RANBP6: variants seen among roughly 807,000 people sequenced by gnomAD.
The protein encoded by RANBP6 is RAN binding protein 6.
In RANBP6, 10 loss-of-function variants were observed where a neutral mutation model predicts 35.3. The ratio of observed to expected loss-of-function variants is 0.28; its 90% CI spans 0.17 to 0.48. The LOEUF (loss-of-function observed/expected upper bound fraction) is 0.48, where lower values mean the gene tolerates loss of function less well. Ranked by LOEUF, RANBP6 falls within the 20% of genes least tolerant of loss-of-function variation. The pLI is 0.99. For synonymous variants in RANBP6, 514 were observed against 464.2 expected (o/e 1.11, Z -1.38); for missense variants, 1,392 against 1,307.7 (o/e 1.06, Z -0.99).
rs768975394 is a variant in RANBP6, at chr9:6,014,278, T to C, written c.1330A>G (p.Lys444Glu). 1.2e-6 allele frequency: 2 copies of C among 1,614,098 alleles called. No individual in the cohort carries two copies. Among genetic ancestry groups the C allele is most frequent in the African/African-American group, 1.3e-5 (1 of 74,936 alleles). Residue 444 changes from lysine (K) to glutamate (E), a missense_variant, in exon 1 of 1, where the codon AAG becomes GAG. Physicochemically the swap from Lys to Glu is moderately conservative, Grantham distance 56. Transcript: ENST00000259569. ...MATDFAPNFQKKFHETVIAAL... is the reference protein window; with the variant it reads ...MATDFAPNFQEKFHETVIAAL... ...GCAATCACTGTTTCATGAAATTTCT[T>C]TTGGAAATTAGGTGCAAAATCTGTA...
Position 6,015,322 on chromosome 9 carries a change from C to A in RANBP6, c.286G>T (p.Asp96Tyr), listed in dbSNP as rs1470205666. The A allele has an allele frequency of 6.2e-7, 1 of 1,614,240 alleles. No homozygotes were observed. The highest frequency in any genetic ancestry group is 8.5e-7 in the Non-Finnish European group (1 of 1,180,054). Residue 96 changes from aspartate to tyrosine, a missense_variant, in exon 1 of 1, where the codon GAT becomes TAT. Asp to Tyr is a radical substitution (Grantham distance 160). Coordinates refer to ENST00000259569, the MANE Select transcript of RANBP6 (RefSeq NM_012416.4). ...YPNLPADVQR[D>Y]VKIELILAVK... Reference sequence around the variant, plus strand: ...GCCAGAATCAGTTCAATCTTGACATCTCTCTGAACATCAGCAGGCAGATTT... The same window carrying A: ...GCCAGAATCAGTTCAATCTTGACATATCTCTGAACATCAGCAGGCAGATTT...
In RANBP6 at chr9:6,012,175, C is replaced by A; in HGVS notation, c.*115G>T. 1 of 777,136 alleles carries A rather than the reference C, an allele frequency of 1.3e-6. No individual in the cohort carries two copies. Among genetic ancestry groups the A allele is most frequent in the Non-Finnish European group, 1.9e-6 (1 of 515,992 alleles). The allele number at this position is 777,136 out of a possible 1,614,324, so 48.1% of individuals were successfully genotyped here. A position where few individuals can be genotyped will look rare whatever the true frequency, so the allele number is the denominator to read the frequency against. On this transcript the variant is annotated 3_prime_UTR_variant, in exon 1 of 1. Transcript: ENST00000259569. ...AATTCTGGAGAAACATGGAGAAGAACTATAAACTGCTTAGCAGGGAGAAAA... is the reference window on the plus strand; with the variant it reads ...AATTCTGGAGAAACATGGAGAAGAAATATAAACTGCTTAGCAGGGAGAAAA...
Position 6,012,467 on chromosome 9 carries a change from GATT to G in RANBP6, c.3138_3140del (p.Ile1047del). The G allele has an allele frequency of 6.2e-7, 1 of 1,612,334 alleles. No individual in the cohort carries two copies. The highest frequency in any genetic ancestry group is 8.5e-7 in the Non-Finnish European group (1 of 1,179,536). On this transcript the variant is annotated inframe_deletion, in exon 1 of 1. Coordinates refer to ENST00000259569, the MANE Select transcript of RANBP6 (RefSeq NM_012416.4). ...TAATTTTTCCTTCTGCAATTATACT[GATT>G]ATTTTGGGAAGATTGGAATTATTTG...
In RANBP6 at chr9:6,013,881, A is replaced by C. The variant is rs1332999693; in HGVS notation, c.1727T>G (p.Val576Gly). 1.9e-6 allele frequency: 3 copies of C among 1,613,918 alleles called. No individual in the cohort carries two copies. Among genetic ancestry groups the C allele is most frequent in the Non-Finnish European group, 2.5e-6 (3 of 1,179,938 alleles). The stretch of plus-strand genomic sequence containing the variant: ...ATCTTGCATAAATTTTTCCTTCCCA[A>C]CAGCAAGACCAATATGGCTAATGCA... ...IECISHIGLA[V>G]GKEKFMQDAS... The change falls in exon 1 of 1, where the codon GTT becomes GGT. Residue 576 changes from valine to glycine, a missense_variant. By Grantham distance (109) the Val-to-Gly change is moderately radical. Transcript: ENST00000259569.
At position 6,014,381 on chromosome 9, in the gene RANBP6, A is replaced by C; in HGVS notation, c.1227T>G (p.Val409=). The C allele has an allele frequency of 6.2e-7, 1 of 1,614,022 alleles. No individual in the cohort carries two copies. The highest frequency in any genetic ancestry group is 2.2e-5 in the East Asian group (1 of 44,882). ...CCTGAAGAAAAAGCAAAACGGAGTT[A>C]ACTGTTTCATCTAGAATTGATTCCA... ...QQMESILDET[V]NSVLLFLQDP... is the part of the protein sequence containing the mutation. The change falls in exon 1 of 1, where the codon GTT becomes GTG. Residue 409 remains valine (V), a synonymous_variant. Coordinates refer to ENST00000259569, the MANE Select transcript of RANBP6 (RefSeq NM_012416.4).
In RANBP6 at chr9:6,011,571, TG is replaced by T. The variant is rs1167943064; in HGVS notation, c.*718del. ...TTACTCTTTGTCAAACACTGTTACA[TG>T]CTACCAATATTAGATGTATCAGGAC... On this transcript the variant is annotated 3_prime_UTR_variant, in exon 1 of 1. Transcript: ENST00000259569. 6.6e-6 allele frequency: 1 copy of T among 152,234 alleles called. No homozygotes were observed. Among genetic ancestry groups the T allele is most frequent in the Non-Finnish European group, 1.5e-5 (1 of 68,036 alleles). The allele number at this position is 152,234 out of a possible 1,614,324, so 9.4% of individuals were successfully genotyped here.
rs1242453431 is a variant in RANBP6 at position 6,014,938 on chromosome 9, C to T, written c.670G>A (p.Asp224Asn). The T allele has an allele frequency of 7.4e-6, 12 of 1,614,036 alleles. No homozygotes were observed. Among genetic ancestry groups the T allele is most frequent in the Non-Finnish European group, 1.0e-5 (12 of 1,180,020 alleles). ...GCCTGTAAGATTCCAGGAAGCAAGT[C>T]TGCAAAGTCTTTGAAAAGAGCAATA... Reference protein sequence around the residue: ...NNIALFKDFADLLPGILQAVN... With the variant: ...NNIALFKDFANLLPGILQAVN... The change falls in exon 1 of 1, where the codon GAC becomes AAC. Residue 224 changes from aspartate to asparagine, a missense_variant. Physicochemically the swap from Asp to Asn is conservative, Grantham distance 23. Coordinates refer to ENST00000259569, the MANE Select transcript of RANBP6 (RefSeq NM_012416.4).
chr9:6,012,337 C>A lies in RANBP6; in HGVS notation c.3271G>T (p.Asp1091Tyr). ...DLWLECVSQL[D>Y]DEQQEALQEL... ...TGTAAGGCTTCCTGCTGTTCATCAT[C>A]AAGTTGTGATACACATTCCAACCAT... Residue 1091 changes from aspartate (D) to tyrosine (Y), a missense_variant, in exon 1 of 1, where the codon GAT (aspartate) becomes TAT (tyrosine). Physicochemically the swap from Asp to Tyr is radical, Grantham distance 160 (BLOSUM62 -3). Transcript: ENST00000259569. 1 of 1,597,352 alleles carries A rather than the reference C, an allele frequency of 6.3e-7. No individual in the cohort carries two copies. The highest frequency in any genetic ancestry group is 8.5e-7 in the Non-Finnish European group (1 of 1,174,714).
Position 6,015,413 on chromosome 9 carries a change from C to T in RANBP6, c.195G>A (p.Glu65=). ...GCAGTGCGGCAGCCATTTGTCTCAC[C>T]TCATAACCTGCTCTTCTATTTCTGA... ...DAVRNRRAGY[E]VRQMAAALLR... is the part of the protein sequence containing the mutation. The change falls in exon 1 of 1, where the codon GAG becomes GAA. Residue 65 remains glutamate, a synonymous_variant. Transcript: ENST00000259569. The T allele has an allele frequency of 1.2e-6, 2 of 1,614,210 alleles. No homozygotes were observed. Among genetic ancestry groups the T allele is most frequent in the Non-Finnish European group, 1.7e-6 (2 of 1,180,038 alleles).
Position 6,012,955 on chromosome 9 carries a change from G to T in RANBP6, c.2653C>A (p.Pro885Thr). The T allele has an allele frequency of 6.2e-7, 1 of 1,614,090 alleles. No homozygotes were observed. The highest frequency in any genetic ancestry group is 8.5e-7 in the Non-Finnish European group (1 of 1,180,006). ...AATCCCCACTGTCTGTCTGGCCATG[G>T]CCTACTTGAACAAATTAGATTTACA... ...LIVNLICSSRPWPDRQWGLCI... is the reference protein window; with the variant it reads ...LIVNLICSSRTWPDRQWGLCI... Residue 885 changes from proline to threonine, a missense_variant, in exon 1 of 1, where the codon CCA (proline) becomes ACA (threonine). Transcript: ENST00000259569.
Position 6,013,733 on chromosome 9 carries a change from T to C in RANBP6, c.1875A>G (p.Lys625=), listed in dbSNP as rs148880987. ...CCAGTGGAAGGTACTGTTGAAAATC[T>C]TTTCCAAGAATTTTACACATTCTAG... ...AWARMCKILG[K]DFQQYLPLVI... is the part of the protein sequence containing the mutation. Residue 625 remains lysine (K), a synonymous_variant, in exon 1 of 1, where the codon AAA becomes AAG. Transcript: ENST00000259569. 5.7e-5 allele frequency: 92 copies of C among 1,613,996 alleles called. 2 individuals carry two copies. In the African/African-American group the frequency reaches 8.8e-4, roughly 15 times the overall value.
chr9:6,014,260 C>G lies in RANBP6; in HGVS notation c.1348G>C (p.Val450Leu), dbSNP rs1284843430. ...PNFQKKFHETVIAALLRTMEN... is the reference protein window; with the variant it reads ...PNFQKKFHETLIAALLRTMEN... ...ATGGTACGTAACAGAGCTGCAATCA[C>G]TGTTTCATGAAATTTCTTTTGGAAA... is the stretch of plus-strand genomic sequence containing the variant. Residue 450 changes from valine to leucine, a missense_variant, in exon 1 of 1, where the codon GTG becomes CTG. By Grantham distance (32) the Val-to-Leu change is conservative. Coordinates refer to ENST00000259569, the MANE Select transcript of RANBP6 (RefSeq NM_012416.4). 1 of 1,614,186 alleles carries G rather than the reference C, an allele frequency of 6.2e-7. No individual in the cohort carries two copies. Among genetic ancestry groups the G allele is most frequent in the South Asian group, 1.1e-5 (1 of 91,086 alleles).
Position 6,015,395 on chromosome 9 carries a change from G to A in RANBP6, c.213C>T (p.Ala71=). 6.2e-7 allele frequency: 1 copy of A among 1,614,170 alleles called. No individual in the cohort carries two copies. The highest frequency in any genetic ancestry group is 8.5e-7 in the Non-Finnish European group (1 of 1,180,022). Residue 71 remains alanine, a synonymous_variant, in exon 1 of 1, where the codon GCC becomes GCT. Transcript: ENST00000259569. The stretch of plus-strand genomic sequence containing the variant: ...AGGACAAAAGCCGTCGTAGCAGTGC[G>A]GCAGCCATTTGTCTCACCTCATAAC... ...RAGYEVRQMA[A]ALLRRLLSSG... is the part of the protein sequence containing the mutation.
chr9:6,013,166 T>G lies in RANBP6; in HGVS notation c.2442A>C (p.Lys814Asn). 6.2e-7 allele frequency: 1 copy of G among 1,614,036 alleles called. No homozygotes were observed. Residue 814 changes from lysine to asparagine, a missense_variant, in exon 1 of 1, where the codon AAA (lysine) becomes AAC (asparagine). By Grantham distance (94) the Lys-to-Asn change is moderately conservative. Coordinates refer to ENST00000259569, the MANE Select transcript of RANBP6 (RefSeq NM_012416.4). ...TTTTCACCTGTCTCAATTCTTGGTT[T>G]TTAAAGTGCCCTTCAAGTTTTGCTT... ...ILKAKLEGHFKNQELRQVKRQ... is the reference protein window; with the variant it reads ...ILKAKLEGHFNNQELRQVKRQ...
At position 6,014,214 on chromosome 9, in the gene RANBP6, C is replaced by G; in HGVS notation, c.1394G>C (p.Arg465Pro). 6.2e-7 allele frequency: 1 copy of G among 1,613,524 alleles called. No individual in the cohort carries two copies. Among genetic ancestry groups the G allele is most frequent in the Non-Finnish European group, 8.5e-7 (1 of 1,179,790 alleles). The change falls in exon 1 of 1, where the codon CGT becomes CCT. Residue 465 changes from arginine to proline, a missense_variant. By Grantham distance (103) the Arg-to-Pro change is moderately radical. Transcript: ENST00000259569. The stretch of plus-strand genomic sequence containing the variant: ...AGCAGAAGCTGCATGTGATTGCACA[C>G]GCTGATTACCTTGATTTTCCATGGT... ...LRTMENQGNQ[R>P]VQSHAASALI... is the part of the protein sequence containing the mutation.
chr9:6,014,188 G>C lies in RANBP6; in HGVS notation c.1420C>G (p.Leu474Val), dbSNP rs147033435. The change falls in exon 1 of 1, where the codon CTT (leucine) becomes GTT (valine). Residue 474 changes from leucine to valine, a missense_variant. Coordinates refer to ENST00000259569, the MANE Select transcript of RANBP6 (RefSeq NM_012416.4). ...QRVQSHAASALIIFIEDCPKS... is the reference protein window; with the variant it reads ...QRVQSHAASAVIIFIEDCPKS... ...GGGCAGTCTTCAATAAAAATAATAA[G>C]AGCAGAAGCTGCATGTGATTGCACA... is the stretch of plus-strand genomic sequence containing the variant. The C allele has an allele frequency of 2.5e-6, 4 of 1,613,546 alleles. No individual in the cohort carries two copies. Among genetic ancestry groups the C allele is most frequent in the East Asian group, 2.2e-5 (1 of 44,890 alleles).
rs1194492930 is a variant in RANBP6 at position 6,014,721 on chromosome 9, T to C, written c.887A>G (p.Glu296Gly). The C allele has an allele frequency of 6.2e-7, 1 of 1,614,204 alleles. No individual in the cohort carries two copies. The highest frequency in any genetic ancestry group is 8.5e-7 in the Non-Finnish European group (1 of 1,180,056). Residue 296 changes from glutamate to glycine, a missense_variant, in exon 1 of 1, where the codon GAA becomes GGA. Transcript: ENST00000259569. ...TTTTTTCAACATCGGAGTGGCAGTT[T>C]CAGACAAGGTCACTATAACTTCGAG... ...LALEVIVTLS[E>G]TATPMLKKHT...
Position 6,013,775 on chromosome 9 carries a change from G to A in RANBP6, c.1833C>T (p.Tyr611=), listed in dbSNP as rs1239405769. The A allele has an allele frequency of 1.9e-6, 3 of 1,613,734 alleles. No individual in the cohort carries two copies. Among genetic ancestry groups the A allele is most frequent in the Non-Finnish European group, 8.5e-7 (1 of 1,180,038 alleles). The change falls in exon 1 of 1, where the codon TAC becomes TAT. Residue 611 remains tyrosine, a synonymous_variant. Transcript: ENST00000259569. The part of the protein sequence containing the change: ...NMEDDDPQTS[Y]MVSAWARMCK... ...ACATTCTAGCCCATGCTGAAACCAT[G>A]TAAGAGGTCTGAGGGTCATCATCTT...
At position 6,015,528 on chromosome 9, in the gene RANBP6, A is replaced by T. The variant is rs779080550; in HGVS notation, c.80T>A (p.Ile27Asn). Reference sequence around the variant, plus strand: ...CCTCCGCACCATACAGCTTGGATTGATCAGGTTCTTCAGAAGCTGGTAAAA... The same window carrying T: ...CCTCCGCACCATACAGCTTGGATTGTTCAGGTTCTTCAGAAGCTGGTAAAA... ...QEFYQLLKNL[I>N]NPSCMVRRQA... is the part of the protein sequence containing the mutation. Residue 27 changes from isoleucine (I) to asparagine (N), a missense_variant, in exon 1 of 1, where the codon ATC (isoleucine) becomes AAC (asparagine). Ile to Asn is a moderately radical substitution (Grantham distance 149). Transcript: ENST00000259569. 1.2e-6 allele frequency: 2 copies of T among 1,612,862 alleles called. No homozygotes were observed. The highest frequency in any genetic ancestry group is 1.3e-5 in the African/African-American group (1 of 74,902).
Sources: gnomAD v4.1 joint callset for allele counts on GRCh38, gnomAD v4.1.1 for gene constraint, MANE v1.5 for transcripts, NCBI Gene and HGNC (gene_info 2026-07-23, HGNC 2026-07-21) for gene names.